The following THSD7B variants were observed in gnomAD, a reference collection of about 807,000 sequenced individuals.
THSD7B encodes thrombospondin type-1 domain-containing protein 7B.
THSD7B carries 138 observed loss-of-function variants against 213.6 expected under a neutral mutation model. The ratio of observed to expected loss-of-function variants is 0.65; its 90% CI spans 0.56 to 0.74. The LOEUF (loss-of-function observed/expected upper bound fraction) is 0.74. THSD7B is among the 30% of genes least tolerant of loss of function. The pLI, the probability that THSD7B is intolerant of heterozygous loss-of-function variation, is 0.00. For missense variants in THSD7B, 1,931 were observed against 1,991.5 expected, an observed-to-expected ratio of 0.97 and a Z score of 0.58; for synonymous variants, 742 against 687.0, an observed-to-expected ratio of 1.08 and a Z score of -1.25.
chr2:137,434,286 G>A (rs987196875), intron 14 of THSD7B, among the ~76,000 whole-genome samples: 1 of 152,090 alleles, frequency 6.6e-6, no homozygotes, highest in Admixed American at 6.6e-5. Context: ...TTCTCTACAA[G>A]TCTAGTAAAC....
chr2:136,904,462 G>A (rs9677653), intron 2 of THSD7B, among the ~76,000 whole-genome samples: 62,574 of 152,076 alleles, frequency 0.41, 14,559 homozygotes, highest in East Asian at 0.68. Context: ...TGGTGCTACA[G>A]GAGACAGGGG....
chr2:137,631,683 T>C (rs1276766760), intron 20 of THSD7B, among the ~76,000 whole-genome samples: 1 of 152,178 alleles, frequency 6.6e-6, no homozygotes, highest in African/African-American at 2.4e-5. Context: ...GCACAGTCTG[T>C]CACAATAATT....
chr2:137,080,367 GTTTTTTTTTTTT>G (rs70975798), intron 3 of THSD7B, among the ~76,000 whole-genome samples: 3 of 98,402 alleles, frequency 3.0e-5, no homozygotes, highest in Non-Finnish European at 5.8e-5. Context: ...ATGCCCAGCT[GTTTTTTTTTTTT>G]TTTTTTTTTT....
intron 12 of THSD7B, among the ~76,000 whole-genome samples, chr2:137,392,071 C>T (rs1468984078): frequency 1.3e-5 from 2 of 151,938 alleles, no homozygotes; most frequent in African/African-American, 4.8e-5. Flanking sequence ...CTCTTGTTAC[C>T]ACCCCTTTCT....
chr2:137,040,651 C>T (rs1204792966), intron 2 of THSD7B, among the ~76,000 whole-genome samples: 1 of 152,038 alleles, frequency 6.6e-6, no homozygotes, highest in Non-Finnish European at 1.5e-5. Context: ...CCTTGGCATC[C>T]CAAAATGCTG....
chr2:137,021,439 T>G (rs1686444023), intron 2 of THSD7B, among the ~76,000 whole-genome samples: 1 of 152,224 alleles, frequency 6.6e-6, no homozygotes, highest in Non-Finnish European at 1.5e-5. Flanking sequence ...TTAATTTTAT[T>G]TAAGTTTATT....
At chr2:137,635,196 T>A (rs900142550) in intron 20 of THSD7B, among the ~76,000 whole-genome samples, 3 of 152,210 alleles carry the variant, frequency 2.0e-5, no homozygotes, top group African/African-American at 7.2e-5. Flanking sequence ...GGAGTGTCTT[T>A]CTCTGTTTTG....
At chr2:137,462,030 G>A (rs527516311) in intron 15 of THSD7B, among the ~76,000 whole-genome samples, 39 of 152,116 alleles carry the variant, frequency 2.6e-4, no homozygotes, top group Non-Finnish European at 3.8e-4. Context: ...TTTGTCTGCA[G>A]TTTTCCTTTC....
intron 17 of THSD7B, among the ~76,000 whole-genome samples, chr2:137,583,776 GC>G (rs909438349): frequency 1.2e-4 from 19 of 152,300 alleles, no homozygotes; most frequent in African/African-American, 4.3e-4. Context: ...GTAACGTGAT[GC>G]CTCCAGCTTT....
chr2:137,514,720 A>G (rs1024987355), intron 15 of THSD7B, among the ~76,000 whole-genome samples: 11 of 152,194 alleles, frequency 7.2e-5, no homozygotes, highest in African/African-American at 2.7e-4. Context: ...TTCTAATAGT[A>G]TGGAGAACAC....
chr2:137,254,440 C>T (rs918618383), intron 10 of THSD7B, among the ~76,000 whole-genome samples: 8 of 152,182 alleles, frequency 5.3e-5, no homozygotes, highest in Admixed American at 1.3e-4. Context: ...TATCCTCTCT[C>T]ATTGCTGAAT....
In THSD7B at chr2:137,170,870, G is replaced by C. The variant is rs777290058; in HGVS notation, c.1655G>C (p.Cys552Ser). ...CGATGGCTGGCATCAGAAGGGATCTGTTTCCCTGATCATGGAAAATGTGGC... is the reference window on the plus strand; with the variant it reads ...CGATGGCTGGCATCAGAAGGGATCTCTTTCCCTGATCATGGAAAATGTGGC... ...CYRWLASEGI[C>S]FPDHGKCGLG... The change falls in exon 7 of 28, where the codon TGT becomes TCT. Residue 552 changes from cysteine to serine, a missense_variant. Coordinates refer to ENST00000409968, the MANE Select transcript of THSD7B (RefSeq NM_001316349.2). 6.2e-7 allele frequency: 1 copy of C among 1,613,592 alleles called. No individual in the cohort carries two copies. The highest frequency in any genetic ancestry group is 1.7e-5 in the Admixed American group (1 of 59,984).
At chr2:137,281,556 C>G (rs1206380426) in intron 12 of THSD7B, among the ~76,000 whole-genome samples, 2 of 149,336 alleles carry the variant, frequency 1.3e-5, no homozygotes, top group Non-Finnish European at 3.0e-5. Context: ...TATCCCCCCA[C>G]CCCCACCCCA....
chr2:137,502,007 G>A (rs149080455), intron 15 of THSD7B, among the ~76,000 whole-genome samples: 9 of 152,268 alleles, frequency 5.9e-5, no homozygotes, highest in Non-Finnish European at 1.0e-4. Flanking sequence ...CTAAAGTGTT[G>A]ATTTGTCTGC....
intron 1 of THSD7B, among the ~76,000 whole-genome samples, chr2:136,851,387 T>A (rs1173984708): frequency 6.6e-6 from 1 of 152,176 alleles, no homozygotes; most frequent in Non-Finnish European, 1.5e-5. Flanking sequence ...CATTATTTTT[T>A]GCTTTTTGTC....
At chr2:137,437,961 T>A (rs1687327315) in intron 14 of THSD7B, among the ~76,000 whole-genome samples, 1 of 152,148 alleles carries the variant, frequency 6.6e-6, no homozygotes, top group South Asian at 2.1e-4. Context: ...CTTGAGACAT[T>A]TGATCTTCTT....
chr2:137,459,757 C>T (rs1269596919), intron 15 of THSD7B, among the ~76,000 whole-genome samples: 4 of 151,990 alleles, frequency 2.6e-5, no homozygotes, highest in South Asian at 4.2e-4. Context: ...TGATCATAAC[C>T]GTTATTGGTC....
intron 12 of THSD7B, among the ~76,000 whole-genome samples, chr2:137,361,854 C>T (rs1685270981): frequency 6.6e-6 from 1 of 152,060 alleles, no homozygotes; most frequent in Non-Finnish European, 1.5e-5. Flanking sequence ...CAAGGCAGGC[C>T]AACATTCAAA....
At chr2:137,101,554 T>C (rs1447430686) in intron 4 of THSD7B, among the ~76,000 whole-genome samples, 1 of 152,074 alleles carries the variant, frequency 6.6e-6, no homozygotes, top group East Asian at 1.9e-4. Flanking sequence ...TTCACTCTCC[T>C]GGAAAGGGGG....
Sources: gnomAD v4.1 joint callset for allele counts (sites outside exome capture counted in the v4.1 genomes callset) on GRCh38, gnomAD v4.1.1 for gene constraint, MANE v1.5 for transcripts, NCBI Gene and HGNC (gene_info 2026-07-23, HGNC 2026-07-21) for gene names.